The following SDK1 variants were observed in gnomAD, a reference collection of about 807,000 sequenced individuals.
SDK1 encodes the protein sidekick cell adhesion molecule 1, also known as protein sidekick-1.
SDK1 carries 157 observed loss-of-function variants against 245.5 expected under a neutral mutation model. The ratio of observed to expected loss-of-function variants is 0.64; its 90% CI spans 0.56 to 0.73. The LOEUF is 0.73. Ranked by LOEUF, SDK1 falls within the 30% of genes least tolerant of loss-of-function variation. The pLI, the probability that SDK1 is intolerant of heterozygous loss-of-function variation, is 0.00. For synonymous variants in SDK1, 1,647 were observed against 1,278.5 expected (o/e 1.29, Z -6.15); for missense variants, 3,583 against 3,002.3 (o/e 1.19, Z -4.52).
intron 2 of SDK1, among the ~76,000 whole-genome samples, chr7:3,628,742 A>G (rs1782194629): frequency 6.6e-6 from 1 of 152,354 alleles, no homozygotes; most frequent in South Asian, 2.1e-4. Context: ...AAACAACTGT[A>G]AAACTGGACA....
intron 20 of SDK1, among the ~76,000 whole-genome samples, chr7:4,074,916 A>ATATTT (rs1434239449): frequency 9.3e-5 from 6 of 64,602 alleles, no homozygotes; most frequent in East Asian, 3.3e-4. Context: ...ATATATATAT[A>ATATTT]TTTTTTTTTT....
chr7:3,647,843 T>C (rs1306428703), intron 4 of SDK1, among the ~76,000 whole-genome samples: 1 of 151,980 alleles, frequency 6.6e-6, no homozygotes, highest in Non-Finnish European at 1.5e-5. Flanking sequence ...TGAAGAAAAG[T>C]CGTGTAATGT....
intron 1 of SDK1, among the ~76,000 whole-genome samples, chr7:3,546,886 A>G (rs1253752445): frequency 6.6e-6 from 1 of 152,196 alleles, no homozygotes; most frequent in African/African-American, 2.4e-5. Flanking sequence ...AAGCATTTAA[A>G]AGTCATCATC....
chr7:3,905,283 T>A (rs562560758), intron 5 of SDK1, among the ~76,000 whole-genome samples: 1 of 152,178 alleles, frequency 6.6e-6, no homozygotes, highest in East Asian at 1.9e-4. Flanking sequence ...TTTTCTATTA[T>A]AAGTAATGCC....
intron 5 of SDK1, among the ~76,000 whole-genome samples, chr7:3,844,999 G>C (rs1780241281): frequency 6.6e-6 from 1 of 152,170 alleles, no homozygotes; most frequent in Non-Finnish European, 1.5e-5. Flanking sequence ...AAGAGACAGA[G>C]AATGGACTAC....
intron 25 of SDK1, among the ~76,000 whole-genome samples, chr7:4,118,959 G>A (rs1783895369): frequency 6.7e-6 from 1 of 148,684 alleles, no homozygotes; most frequent in Non-Finnish European, 1.5e-5. Flanking sequence ...ATGGGTGATG[G>A]AAACAGAGCT....
intron 1 of SDK1, among the ~76,000 whole-genome samples, chr7:3,610,853 T>C (rs1202226): frequency 0.29 from 43,571 of 152,194 alleles, 7,176 homozygotes; most frequent in East Asian, 0.43. Context: ...CCTCCTGCTT[T>C]CTCTGTTTTC....
chr7:3,559,769 A>G (rs930091309), intron 1 of SDK1, among the ~76,000 whole-genome samples: 6 of 152,180 alleles, frequency 3.9e-5, no homozygotes, highest in African/African-American at 1.4e-4. Flanking sequence ...AAAAAAAAAA[A>G]AAAACACAAA....
chr7:3,697,759 T>G (rs1237377250), intron 4 of SDK1, among the ~76,000 whole-genome samples: 2 of 152,196 alleles, frequency 1.3e-5, no homozygotes, highest in African/African-American at 4.8e-5. Flanking sequence ...CACCAGTATT[T>G]CTATGTGGTA....
chr7:3,988,198 C>T (rs1375300306), intron 14 of SDK1, among the ~76,000 whole-genome samples: 1 of 149,842 alleles, frequency 6.7e-6, no homozygotes, highest in Non-Finnish European at 1.5e-5. Flanking sequence ...CTCCCAGCAC[C>T]CCGCATTTCT....
chr7:4,205,375 C>T (rs1258415952), intron 35 of SDK1, among the ~76,000 whole-genome samples: 1 of 152,138 alleles, frequency 6.6e-6, no homozygotes, highest in Non-Finnish European at 1.5e-5. Flanking sequence ...AGTCCTGTGA[C>T]TCCCTCGCCG....
chr7:3,931,752 G>A (rs1340451217), intron 5 of SDK1, among the ~76,000 whole-genome samples: 2 of 152,108 alleles, frequency 1.3e-5, no homozygotes, highest in Non-Finnish European at 2.9e-5. Context: ...CCGACTTATG[G>A]GGCGTTTTAC....
chr7:3,633,075 A>AT (rs926065539), intron 2 of SDK1, among the ~76,000 whole-genome samples: 57 of 151,310 alleles, frequency 3.8e-4, no homozygotes, highest in Non-Finnish European at 6.0e-4. Context: ...CTTAACCCAT[A>AT]TTTTTTTTTC....
At chr7:3,547,707 T>C (rs1423461772) in intron 1 of SDK1, among the ~76,000 whole-genome samples, 4 of 152,220 alleles carry the variant, frequency 2.6e-5, no homozygotes, top group African/African-American at 9.7e-5. Flanking sequence ...GTTTATGTAT[T>C]TCTTACCCTT....
intron 1 of SDK1, among the ~76,000 whole-genome samples, chr7:3,412,646 G>C (rs1182209724): frequency 6.6e-6 from 1 of 152,192 alleles, no homozygotes; most frequent in Non-Finnish European, 1.5e-5. Context: ...AGAATGGCTG[G>C]ATTAAAAGGC....
chr7:3,538,441 C>A (rs921180017), intron 1 of SDK1, among the ~76,000 whole-genome samples: 75 of 152,124 alleles, frequency 4.9e-4, no homozygotes, highest in Non-Finnish European at 2.2e-4. Flanking sequence ...CCTCTTCACT[C>A]TGAGGCAAGT....
intron 17 of SDK1, among the ~76,000 whole-genome samples, chr7:4,017,598 C>G (rs1786517038): frequency 3.3e-5 from 5 of 152,014 alleles, no homozygotes; most frequent in Non-Finnish European, 7.4e-5. Flanking sequence ...TCTGTACACG[C>G]CTTTTGACGG....
chr7:4,174,980 A>G (rs1424174602), intron 33 of SDK1, among the ~76,000 whole-genome samples: 1 of 152,202 alleles, frequency 6.6e-6, no homozygotes, highest in African/African-American at 2.4e-5. Flanking sequence ...GCCCCTTGAC[A>G]TCCTCGTGCC....
chr7:3,541,745 G>A (rs1223029090), intron 1 of SDK1, among the ~76,000 whole-genome samples: 1 of 152,154 alleles, frequency 6.6e-6, no homozygotes, highest in Non-Finnish European at 1.5e-5. Flanking sequence ...GTTGAATTAG[G>A]TGGAATTCCT....
Sources: gnomAD v4.1 joint callset for allele counts (sites outside exome capture counted in the v4.1 genomes callset) on GRCh38, gnomAD v4.1.1 for gene constraint, MANE v1.5 for transcripts, NCBI Gene and HGNC (gene_info 2026-07-23, HGNC 2026-07-21) for gene names.